XIRP2: variants seen among roughly 807,000 people sequenced by gnomAD.
XIRP2 encodes the protein xin actin-binding repeat-containing protein 2.
Under a neutral mutation model 277.0 loss-of-function variants are expected in XIRP2, and 236 were observed. That is an observed-to-expected ratio of 0.85 (90% CI 0.77 to 0.95). The LOEUF (loss-of-function observed/expected upper bound fraction) is 0.95, where lower values mean the gene tolerates loss of function less well. Among genes scored for constraint, XIRP2 ranks in the 40% least tolerant of loss-of-function variants. The pLI, the probability that XIRP2 is intolerant of heterozygous loss-of-function variation, is 0.00. For synonymous variants in XIRP2, 1,490 were observed against 1,416.5 expected (o/e 1.05, Z -1.17); for missense variants, 4,640 against 4,157.5 (o/e 1.12, Z -3.19).
chr2:167,235,849 G>GA (rs1271441791), intron 5 of XIRP2, among the ~76,000 whole-genome samples: 1 of 151,692 alleles, frequency 6.6e-6, no homozygotes, highest in Non-Finnish European at 1.5e-5. Context: ...AGGGCAAAAG[G>GA]AAAAAATTCA....
chr2:167,018,512 A>G (rs1461238893), intron 2 of XIRP2, among the ~76,000 whole-genome samples: 1 of 152,046 alleles, frequency 6.6e-6, no homozygotes, highest in Non-Finnish European at 1.5e-5. Flanking sequence ...AAGAAAGGGG[A>G]CAAGAAGACC....
At chr2:167,085,848 G>C (rs1689924694) in intron 2 of XIRP2, among the ~76,000 whole-genome samples, 2 of 152,152 alleles carry the variant, frequency 1.3e-5, no homozygotes, top group African/African-American at 4.8e-5. Flanking sequence ...CTGCATGTGA[G>C]ATGGGTTTCC....
chr2:166,930,291 G>A (rs1268453432), intron 2 of XIRP2, among the ~76,000 whole-genome samples: 1 of 152,114 alleles, frequency 6.6e-6, no homozygotes, highest in Non-Finnish European at 1.5e-5. Flanking sequence ...TTTACCACCA[G>A]ACTTGAAGCT....
intron 3 of XIRP2, among the ~76,000 whole-genome samples, chr2:167,178,529 A>T (rs1485899165): frequency 6.6e-6 from 1 of 152,120 alleles, no homozygotes; most frequent in Non-Finnish European, 1.5e-5. Flanking sequence ...GGTTATTTTT[A>T]TTCCACTAAA....
chr2:167,037,041 G>A (rs1266670927), intron 2 of XIRP2, among the ~76,000 whole-genome samples: 1 of 151,964 alleles, frequency 6.6e-6, no homozygotes, highest in Non-Finnish European at 1.5e-5. Context: ...TTTCTTCCCA[G>A]TCTCAGGTAT....
At position 167,246,973 on chromosome 2, in the gene XIRP2, G is replaced by C; in HGVS notation, c.5581G>C (p.Glu1861Gln). 6.2e-7 allele frequency: 1 copy of C among 1,613,540 alleles called. No individual in the cohort carries two copies. Among genetic ancestry groups the C allele is most frequent in the East Asian group, 2.2e-5 (1 of 44,834 alleles). The part of the protein sequence containing the change: ...AVNQKTVTKT[E>Q]EIIKGNMLAT... ...AAATCAGAAAACAGTGACGAAAACA[G>C]AAGAAATTATAAAAGGTAACATGCT... Residue 1861 changes from glutamate to glutamine, a missense_variant, in exon 9 of 11, where the codon GAA becomes CAA. Glu to Gln is a conservative substitution (Grantham distance 29). Transcript: ENST00000409195.
At chr2:167,105,945 A>G in intron 2 of XIRP2, among the ~76,000 whole-genome samples, 1 of 151,418 alleles carries the variant, frequency 6.6e-6, no homozygotes, top group African/African-American at 2.4e-5. Context: ...TACCATCTGT[A>G]TATTCTCTGA....
intron 2 of XIRP2, among the ~76,000 whole-genome samples, chr2:167,107,682 T>C (rs1690650989): frequency 6.6e-6 from 1 of 151,650 alleles, no homozygotes. Context: ...TTTGTTTTGT[T>C]TGTTTTGTTG....
rs575430140 is a variant in XIRP2 at position 166,970,460 on chromosome 2, C to T, written c.408+66570C>T. 7.2e-5 allele frequency among the ~76,000 whole-genome samples: 11 copies of T among 151,884 alleles called. No individual in the cohort carries two copies. The South Asian group carries it at 1.7e-3, about 23-fold the overall frequency. Reference sequence around the variant, plus strand: ...GAATGAGTTTTGTTGTTGCACTATTCCCTTTTAAGTGTCTTTGTGTCATAA... The same window carrying T: ...GAATGAGTTTTGTTGTTGCACTATTTCCTTTTAAGTGTCTTTGTGTCATAA... On this transcript the variant is annotated intron_variant, in intron 2 of 10. Coordinates refer to ENST00000409195, the MANE Select transcript of XIRP2 (RefSeq NM_152381.6).
intron 2 of XIRP2, among the ~76,000 whole-genome samples, chr2:166,988,099 T>C (rs1006113563): frequency 2.6e-5 from 4 of 152,294 alleles, no homozygotes; most frequent in Non-Finnish European, 4.4e-5. Flanking sequence ...CCCACAGATA[T>C]GCCTTAATTT....
chr2:167,227,681 T>A (rs1429464232), intron 5 of XIRP2, among the ~76,000 whole-genome samples: 1 of 152,090 alleles, frequency 6.6e-6, no homozygotes, highest in Non-Finnish European at 1.5e-5. Flanking sequence ...CACTCCAGCC[T>A]GGGAGACAAA....
intron 2 of XIRP2, among the ~76,000 whole-genome samples, chr2:167,068,470 TTGAA>T (rs1357682239): frequency 6.6e-6 from 1 of 152,222 alleles, no homozygotes; most frequent in Admixed American, 6.5e-5. Flanking sequence ...CATTTTTTAA[TTGAA>T]TAACAAACAG....
intron 2 of XIRP2, among the ~76,000 whole-genome samples, chr2:166,979,112 T>C (rs1374065912): frequency 6.6e-6 from 1 of 152,226 alleles, no homozygotes; most frequent in Non-Finnish European, 1.5e-5. Context: ...GTTTTTATTT[T>C]GTACAGTTAA....
chr2:167,210,933 C>A (rs752426025), intron 4 of XIRP2, 38 bp downstream of exon 4: 2 of 1,608,790 alleles, frequency 1.2e-6, no homozygotes, highest in Non-Finnish European at 1.7e-6. Flanking sequence ...AGGCAATGTG[C>A]TTACTGTCTG....
At chr2:167,172,061 A>G (rs996422569) in intron 3 of XIRP2, among the ~76,000 whole-genome samples, 7 of 152,188 alleles carry the variant, frequency 4.6e-5, no homozygotes, top group East Asian at 1.9e-4. Flanking sequence ...CGATAATTCA[A>G]TGTGAGTCCT....
chr2:167,233,804 G>A (rs1694825394), intron 5 of XIRP2, among the ~76,000 whole-genome samples: 1 of 151,366 alleles, frequency 6.6e-6, no homozygotes, highest in Non-Finnish European at 1.5e-5. Flanking sequence ...TTATATCCTA[G>A]TGTCTCTGGT....
intron 2 of XIRP2, among the ~76,000 whole-genome samples, chr2:167,018,526 T>C (rs1277358055): frequency 2.0e-5 from 3 of 151,926 alleles, no homozygotes; most frequent in South Asian, 2.1e-4. Flanking sequence ...GAAGACCACC[T>C]GGAGGGAAGA....
intron 3 of XIRP2, among the ~76,000 whole-genome samples, chr2:167,144,423 G>T (rs1417432733): frequency 6.6e-6 from 1 of 151,844 alleles, no homozygotes; most frequent in African/African-American, 2.4e-5. Flanking sequence ...AATTGTTGAA[G>T]AATACCACAT....
At chr2:166,998,881 T>C (rs1032557411) in intron 2 of XIRP2, among the ~76,000 whole-genome samples, 4 of 152,182 alleles carry the variant, frequency 2.6e-5, no homozygotes, top group Non-Finnish European at 5.9e-5. Flanking sequence ...GATTGGTGAA[T>C]TGCTGAATGC....
Sources: gnomAD v4.1 joint callset for allele counts (sites outside exome capture counted in the v4.1 genomes callset) on GRCh38, gnomAD v4.1.1 for gene constraint, MANE v1.5 for transcripts, NCBI Gene and HGNC (gene_info 2026-07-23, HGNC 2026-07-21) for gene names.